Variants in GNAQ observed in about 807,000 individuals in gnomAD.
The protein encoded by GNAQ is G protein subunit alpha q.
A neutral mutation model predicts 43.9 loss-of-function variants in GNAQ; 8 were observed. The ratio of observed to expected loss-of-function variants is 0.18; its 90% CI spans 0.11 to 0.33. The LOEUF is 0.33. Ranked by LOEUF, GNAQ falls within the 10% of genes least tolerant of loss-of-function variation. The probability of loss-of-function intolerance (pLI) is 1.00; values close to 1 mark genes in which losing one functional copy is unlikely to be tolerated. For synonymous variants in GNAQ, 155 were observed against 170.7 expected (o/e 0.91, Z 0.71); for missense variants, 158 against 450.8 (o/e 0.35, Z 5.88).
At chr9:77,763,066 C>T (rs1826076602) in intron 5 of GNAQ, among the ~76,000 whole-genome samples, 1 of 150,672 alleles carries the variant, frequency 6.6e-6, no homozygotes, top group African/African-American at 2.4e-5. Flanking sequence ...CCAAATCCCT[C>T]TCTGTGAGAA....
chr9:77,758,755 C>T (rs530447138), intron 5 of GNAQ, among the ~76,000 whole-genome samples: 1 of 152,152 alleles, frequency 6.6e-6, no homozygotes, highest in Non-Finnish European at 1.5e-5. Context: ...GTAAAGGTAG[C>T]TTATGTATTT....
intron 1 of GNAQ, among the ~76,000 whole-genome samples, chr9:78,025,181 T>G (rs983845193): frequency 6.6e-6 from 1 of 152,344 alleles, no homozygotes; most frequent in South Asian, 2.1e-4. Context: ...ATCAGACAGA[T>G]TTTTACATAT....
At chr9:78,029,961 A>G (rs935673272) in intron 1 of GNAQ, among the ~76,000 whole-genome samples, 4 of 152,182 alleles carry the variant, frequency 2.6e-5, no homozygotes, top group African/African-American at 7.2e-5. Flanking sequence ...TGGCTTGTAT[A>G]TGAACCCTGA....
At position 77,941,148 on chromosome 9, in the gene GNAQ, T is replaced by C. The variant is rs974131875; in HGVS notation, c.137-18803A>G. Among the ~76,000 whole-genome samples the C allele has an allele frequency of 3.9e-5, 6 of 152,308 alleles. No individual in the cohort carries two copies. In the South Asian group the frequency reaches 1.0e-3, roughly 26 times the overall value. On this transcript the variant is annotated intron_variant, in intron 1 of 6. Transcript: ENST00000286548. ...TGGCAAAGATGTTTTTAAATGCTCA[T>C]ATTTAGGATTTGGAAATCTAAGGCA...
intron 1 of GNAQ, among the ~76,000 whole-genome samples, chr9:77,949,546 T>C (rs1822951219): frequency 6.6e-6 from 1 of 151,984 alleles, no homozygotes; most frequent in Non-Finnish European, 1.5e-5. Flanking sequence ...AAGCCCTTGG[T>C]TGGAGTTAAT....
chr9:77,976,456 G>A (rs927055254), intron 1 of GNAQ, among the ~76,000 whole-genome samples: 8 of 152,004 alleles, frequency 5.3e-5, no homozygotes, highest in Middle Eastern at 3.2e-3. Flanking sequence ...GCAATGGCAC[G>A]ATCTCAACTC....
chr9:77,874,791 A>AT (rs1828103184), intron 2 of GNAQ, among the ~76,000 whole-genome samples: 1 of 151,862 alleles, frequency 6.6e-6, no homozygotes, highest in Admixed American at 6.6e-5. Context: ...TGCTTGACTA[A>AT]TTTTTTGAAT....
chr9:77,793,524 AATGTACTGT>A (rs1263569002), intron 5 of GNAQ, among the ~76,000 whole-genome samples: 4 of 152,142 alleles, frequency 2.6e-5, no homozygotes, highest in African/African-American at 9.7e-5. Flanking sequence ...GTACCTAAAA[AATGTACTGT>A]ATTAAAAGCA....
At chr9:77,822,608 GA>G in intron 2 of GNAQ, among the ~76,000 whole-genome samples, 1 of 134,724 alleles carries the variant, frequency 7.4e-6, no homozygotes, top group Non-Finnish European at 1.6e-5. Context: ...AAAATAAAAA[GA>G]ACAAGCTTTT....
At chr9:78,021,452 T>C (rs1823908368) in intron 1 of GNAQ, among the ~76,000 whole-genome samples, 1 of 152,260 alleles carries the variant, frequency 6.6e-6, no homozygotes, top group South Asian at 2.1e-4. Flanking sequence ...ATGCATGCTA[T>C]AGATGTTTCT....
chr9:77,716,279 G>T lies in GNAQ; in HGVS notation c.*5044C>A. ...AAGAATACTATAGTACAAAATTATGGCCAAAAATACTGTATTTTTAACCAG... is the reference window on the plus strand; with the variant it reads ...AAGAATACTATAGTACAAAATTATGTCCAAAAATACTGTATTTTTAACCAG... On this transcript the variant is annotated 3_prime_UTR_variant, in exon 7 of 7. Coordinates refer to ENST00000286548, the MANE Select transcript of GNAQ (RefSeq NM_002072.5). 1 of 230,038 alleles carries T rather than the reference G, an allele frequency of 4.3e-6. No individual in the cohort carries two copies. The highest frequency in any genetic ancestry group is 8.6e-6 in the Non-Finnish European group (1 of 116,170). The allele number at this position is 230,038 out of a possible 1,614,324, so 14.2% of individuals were successfully genotyped here.
chr9:77,828,093 A>AAAAAAAAAT (rs1827233806), intron 2 of GNAQ, among the ~76,000 whole-genome samples: 1 of 144,282 alleles, frequency 6.9e-6, no homozygotes, highest in Non-Finnish European at 1.5e-5. Flanking sequence ...AAAAAAAAAA[A>AAAAAAAAAT]GAAGGGGCAG....
intron 5 of GNAQ, among the ~76,000 whole-genome samples, chr9:77,747,233 ATTTAT>A (rs1456490483): frequency 6.6e-6 from 1 of 152,020 alleles, no homozygotes; most frequent in Non-Finnish European, 1.5e-5. Flanking sequence ...AAAATAATAC[ATTTAT>A]TTTATATTTT....
intron 2 of GNAQ, among the ~76,000 whole-genome samples, chr9:77,845,845 A>T (rs765021321): frequency 1.3e-5 from 2 of 152,238 alleles, no homozygotes; most frequent in African/African-American, 2.4e-5. Flanking sequence ...AAAGGCCAAG[A>T]CTAGTATAGA....
At chr9:77,790,892 T>C (rs1826559249) in intron 5 of GNAQ, among the ~76,000 whole-genome samples, 1 of 152,222 alleles carries the variant, frequency 6.6e-6, no homozygotes, top group Non-Finnish European at 1.5e-5. Flanking sequence ...TGGTAGATTC[T>C]GATGAGTAGC....
intron 1 of GNAQ, among the ~76,000 whole-genome samples, chr9:78,004,757 G>A (rs1823685050): frequency 6.6e-6 from 1 of 152,114 alleles, no homozygotes; most frequent in Non-Finnish European, 1.5e-5. Flanking sequence ...ATGAGAAAGA[G>A]GCACCATTTA....
At position 77,945,478 on chromosome 9, in the gene GNAQ, A is replaced by G. The variant is rs190772581; in HGVS notation, c.137-23133T>C. Among the ~76,000 whole-genome samples, 10 of 152,302 alleles carry G rather than the reference A, an allele frequency of 6.6e-5. No individual in the cohort carries two copies. The East Asian group carries it at 1.9e-3, about 29-fold the overall frequency. ...GGTCAAAACGGCCCTCCATTATTTT[A>G]TGCATGTGGCTTTTCAATAAAGTGT... On this transcript the variant is annotated intron_variant, in intron 1 of 6. Coordinates refer to ENST00000286548, the MANE Select transcript of GNAQ (RefSeq NM_002072.5).
chr9:77,894,248 GTTTCA>G (rs1005544067), intron 2 of GNAQ, among the ~76,000 whole-genome samples: 4 of 139,926 alleles, frequency 2.9e-5, no homozygotes, highest in African/African-American at 1.1e-4. Context: ...AATTTTAAAT[GTTTCA>G]TTTAAGTCAT....
chr9:78,016,639 G>C (rs1008530140), intron 1 of GNAQ, among the ~76,000 whole-genome samples: 1 of 151,104 alleles, frequency 6.6e-6, no homozygotes, highest in Non-Finnish European at 1.5e-5. Flanking sequence ...CCAAGATCAC[G>C]CCACTGCACT....
Sources: allele counts gnomAD v4.1 joint callset (sites outside exome capture counted in the v4.1 genomes callset), GRCh38; gene constraint gnomAD v4.1.1; transcripts MANE v1.5; gene names NCBI Gene and HGNC (gene_info 2026-07-23, HGNC 2026-07-21).